Variants in HERC6 observed in about 807,000 individuals in gnomAD.
HERC6 encodes HECT and RLD domain containing E3 ubiquitin protein ligase family member 6, also known as probable E3 ubiquitin-protein ligase HERC6.
In HERC6, 101 loss-of-function variants were observed where a neutral mutation model predicts 114.5. That is an observed-to-expected ratio of 0.88 (90% CI 0.75 to 1.04). The LOEUF is 1.04. Ranked by LOEUF, HERC6 falls within the 50% of genes least tolerant of loss-of-function variation. The pLI, the probability that HERC6 is intolerant of heterozygous loss-of-function variation, is 0.00. For synonymous variants in HERC6, 408 were observed against 436.2 expected (o/e 0.94, Z 0.81); for missense variants, 1,133 against 1,230.9 (o/e 0.92, Z 1.19).
intron 16 of HERC6, among the ~76,000 whole-genome samples, chr4:88,430,315 G>C (rs564695377): frequency 6.6e-6 from 1 of 151,952 alleles, no homozygotes; most frequent in Non-Finnish European, 1.5e-5. Context: ...CTGGGGCCAG[G>C]TGCGGTGGCT....
At chr4:88,424,862 A>G (rs190876169) in intron 15 of HERC6, among the ~76,000 whole-genome samples, 160 bp downstream of exon 15, 1 of 152,280 alleles carries the variant, frequency 6.6e-6, no homozygotes, top group Admixed American at 6.5e-5. Flanking sequence ...TTTTTGCTGA[A>G]GTATTTTACA....
intron 3 of HERC6, among the ~76,000 whole-genome samples, chr4:88,389,163 G>A (rs191158858): frequency 3.3e-5 from 5 of 152,198 alleles, no homozygotes; most frequent in South Asian, 4.2e-4. Flanking sequence ...CATGGGGTTG[G>A]GGCATGCTCA....
chr4:88,410,049 C>A (rs565612745), intron 11 of HERC6, among the ~76,000 whole-genome samples: 1 of 152,284 alleles, frequency 6.6e-6, no homozygotes, highest in South Asian at 2.1e-4. Flanking sequence ...CCTCACATGG[C>A]AGTGTGAACC....
chr4:88,425,177 G>C (rs1303036380), intron 15 of HERC6, among the ~76,000 whole-genome samples: 2 of 152,138 alleles, frequency 1.3e-5, no homozygotes, highest in African/African-American at 2.4e-5. Context: ...ATTCACATAG[G>C]AAGGTAGAAT....
rs773338082 is a variant in HERC6 at position 88,408,585 on chromosome 4, A to G, written c.1336A>G (p.Lys446Glu). ...AGAAATGGCAAGAGATACCTTCAAG[A>G]AGTTAACAAAAAAGGAATGGATTTC... The part of the protein sequence containing the change: ...DLEMARDTFK[K>E]LTKKEWISSM... Residue 446 changes from lysine (K) to glutamate (E), a missense_variant, in exon 11 of 23, where the codon AAG (lysine) becomes GAG (glutamate). Coordinates refer to ENST00000264346, the MANE Select transcript of HERC6 (RefSeq NM_017912.4). The G allele has an allele frequency of 2.4e-5, 39 of 1,592,284 alleles. 1 individual carries two copies. In the Admixed American group the frequency reaches 6.8e-4, roughly 28 times the overall value.
intron 11 of HERC6, among the ~76,000 whole-genome samples, chr4:88,412,863 G>A (rs956174579): frequency 2.6e-5 from 4 of 152,186 alleles, no homozygotes; most frequent in African/African-American, 9.7e-5. Flanking sequence ...CAGGGAACCT[G>A]ATATAAAATG....
intron 4 of HERC6, among the ~76,000 whole-genome samples, chr4:88,392,481 T>C (rs891461436): frequency 2.0e-5 from 3 of 152,140 alleles, no homozygotes; most frequent in Non-Finnish European, 4.4e-5. Context: ...TGAGACACCA[T>C]GCCTGACCAG....
intron 17 of HERC6, among the ~76,000 whole-genome samples, chr4:88,432,929 A>C (rs2149001673): frequency 6.6e-6 from 1 of 151,350 alleles, no homozygotes; most frequent in East Asian, 2.0e-4. Context: ...TCTACTAAAA[A>C]TACAAAAAAT....
intron 3 of HERC6, among the ~76,000 whole-genome samples, chr4:88,386,292 A>G (rs1246423324): frequency 7.0e-6 from 1 of 142,742 alleles, no homozygotes; most frequent in African/African-American, 2.6e-5. Flanking sequence ...TGCAACCTCC[A>G]CCTCCTGGGT....
intron 13 of HERC6, among the ~76,000 whole-genome samples, chr4:88,422,060 T>C (rs1737119627): frequency 6.6e-6 from 1 of 152,236 alleles, no homozygotes; most frequent in African/African-American, 2.4e-5. Flanking sequence ...TTTTTTCACT[T>C]TCACCATGGT....
intron 6 of HERC6, 36 bp downstream of exon 6, chr4:88,396,178 T>C: frequency 6.7e-7 from 1 of 1,495,404 alleles, no homozygotes; most frequent in Admixed American, 2.3e-5. Context: ...TCTTAGCATG[T>C]GTAGAAAGTG....
chr4:88,415,160 T>A (rs1033746993), intron 12 of HERC6, among the ~76,000 whole-genome samples: 8 of 152,150 alleles, frequency 5.3e-5, no homozygotes, highest in African/African-American at 1.9e-4. Context: ...AACATACAAA[T>A]GTATTATTTC....
At chr4:88,388,362 C>T (rs1333718268) in intron 3 of HERC6, among the ~76,000 whole-genome samples, 1 of 151,946 alleles carries the variant, frequency 6.6e-6, no homozygotes, top group African/African-American at 2.4e-5. Context: ...ACCAGCCTGG[C>T]CAACATGAGG....
chr4:88,416,368 T>C (rs1736477739), intron 12 of HERC6, among the ~76,000 whole-genome samples: 1 of 152,208 alleles, frequency 6.6e-6, no homozygotes, highest in Admixed American at 6.5e-5. Flanking sequence ...TTCTGTTTTA[T>C]TTTAGGAGCT....
intron 8 of HERC6, among the ~76,000 whole-genome samples, chr4:88,403,826 TTTTA>T (rs1487404074): frequency 6.6e-6 from 1 of 152,082 alleles, no homozygotes; most frequent in Non-Finnish European, 1.5e-5. Flanking sequence ...ATTATTATCT[TTTTA>T]TTTATTGTGG....
At chr4:88,388,780 A>G (rs922429211) in intron 3 of HERC6, among the ~76,000 whole-genome samples, 2 of 151,924 alleles carry the variant, frequency 1.3e-5, no homozygotes, top group Admixed American at 1.3e-4. Context: ...GAGGTGTGGG[A>G]CTCTCAGTTA....
rs1299797309 is a variant in HERC6, at chr4:88,379,155, C to T, written c.199+35C>T. Reference sequence around the variant, plus strand: ...GGGCCCCAGGTGCAGGGTGTGAGGACCCCAGTACATGGGCGCGGGGGCTTG... The same window carrying T: ...GGGCCCCAGGTGCAGGGTGTGAGGATCCCAGTACATGGGCGCGGGGGCTTG... On this transcript the variant is annotated intron_variant, in intron 1 of 22. Transcript: ENST00000264346. 2.0e-6 allele frequency: 3 copies of T among 1,482,290 alleles called. No individual in the cohort carries two copies. In the African/African-American group the frequency reaches 4.2e-5, roughly 21 times the overall value. 91.8% of individuals were successfully genotyped at this position (1,482,290 alleles called of 1,614,324 possible). A position where few individuals can be genotyped will look rare whatever the true frequency, so the allele number is the denominator to read the frequency against.
intron 17 of HERC6, among the ~76,000 whole-genome samples, chr4:88,434,699 G>A (rs1298231992): frequency 6.6e-6 from 1 of 151,350 alleles, no homozygotes; most frequent in Non-Finnish European, 1.5e-5. Flanking sequence ...TATGAGTTCA[G>A]GATTGTCTAA....
In HERC6 at chr4:88,390,792, A is replaced by T; in HGVS notation, c.577A>T (p.Ser193Cys). 3 of 1,614,004 alleles carry T rather than the reference A, an allele frequency of 1.9e-6. No individual in the cohort carries two copies. The highest frequency in any genetic ancestry group is 2.5e-6 in the Non-Finnish European group (3 of 1,179,982). The change falls in exon 4 of 23, where the codon AGC becomes TGC. Residue 193 changes from serine (S) to cysteine (C), a missense_variant. By Grantham distance (112) the Ser-to-Cys change is moderately radical (BLOSUM62 -1). Around this residue, in one of 3 missense-constraint regions of HERC6, gnomAD observed 735 missense variants for 754.0 expected, o/e 0.97. Transcript: ENST00000264346. ...TCAGGTGGCTGCCGGAGGGGCTCAC[A>T]GCTTTGCCCTGTCTCTCTGTGGGAC... ...LAQVAAGGAH[S>C]FALSLCGTSF...
Sources: allele counts gnomAD v4.1 joint callset (sites outside exome capture counted in the v4.1 genomes callset), GRCh38; gene constraint gnomAD v4.1.1; regional missense constraint gnomAD v4.1.1; transcripts MANE v1.5; gene names NCBI Gene and HGNC (gene_info 2026-07-23, HGNC 2026-07-21).